The following NCOR2 variants were observed in gnomAD, a reference collection of about 807,000 sequenced individuals.
NCOR2 encodes CTG repeat protein 26.
A neutral mutation model predicts 262.9 loss-of-function variants in NCOR2; 81 were observed. The ratio of observed to expected loss-of-function variants is 0.31; its 90% CI spans 0.26 to 0.37. The LOEUF (loss-of-function observed/expected upper bound fraction) is 0.37. Ranked by LOEUF, NCOR2 falls within the 10% of genes least tolerant of loss-of-function variation. The pLI, the probability that NCOR2 is intolerant of heterozygous loss-of-function variation, is 1.00. For missense variants in NCOR2, 3,385 were observed against 3,621.4 expected (o/e 0.93, Z 1.68); for synonymous variants, 1,659 against 1,559.3 (o/e 1.06, Z -1.51).
chr12:124,344,493 T>G, intron 32 of NCOR2, 104 bp downstream of exon 34: 1 of 1,072,188 alleles, frequency 9.3e-7, no homozygotes, highest in Non-Finnish European at 1.3e-6. Flanking sequence ...GGAAAGCGGG[T>G]GGCGAGGATA....
At chr12:124,358,133 G>A (rs531236208) in intron 22 of NCOR2, among the ~76,000 whole-genome samples, 59 of 151,540 alleles carry the variant, frequency 3.9e-4, no homozygotes, top group African/African-American at 1.4e-3. Context: ...GCATGGATGT[G>A]TGTGTGTGCA....
At chr12:124,390,835 G>C (rs1265568255) in intron 16 of NCOR2, among the ~76,000 whole-genome samples, 1 of 152,266 alleles carries the variant, frequency 6.6e-6, no homozygotes, top group Non-Finnish European at 1.5e-5. Context: ...AAGGAGTTTC[G>C]TTCTGAAGAG....
At chr12:124,439,294 CAG>C (rs147761367) in intron 7 of NCOR2, among the ~76,000 whole-genome samples, 30 of 8,370 alleles carry the variant, frequency 3.6e-3, no homozygotes, top group Admixed American at 2.1e-3. Context: ...GAGAGAGACC[CAG>C]AGAGAGAGAG....
At position 124,556,198 on chromosome 12, in the gene NCOR2, G is replaced by A. The variant is rs528930023; in HGVS notation, c.-165+11110C>T. On this transcript the variant is annotated intron_variant, in intron 1 of 32. Transcript: ENST00000458234. ...GGCCACCAAGGGAGGGACAGAGAGGGAATGGCCACAGGCTCAGTGACCTGG... is the reference window on the plus strand; with the variant it reads ...GGCCACCAAGGGAGGGACAGAGAGGAAATGGCCACAGGCTCAGTGACCTGG... 6 of 152,582 alleles carry A rather than the reference G, an allele frequency of 3.9e-5. No individual in the cohort carries two copies. In the South Asian group the frequency reaches 8.3e-4, roughly 21 times the overall value. 9.5% of individuals were successfully genotyped at this position (152,582 alleles called of 1,614,324 possible).
chr12:124,363,759 C>A, exon 21 of NCOR2: 1 of 1,381,650 alleles, frequency 7.2e-7, no homozygotes, highest in Non-Finnish European at 9.5e-7. Flanking sequence ...GCCCGGGGGT[C>A]GCCAGTCGGG....
chr12:124,422,387 A>G, intron 12 of NCOR2, 114 bp downstream of exon 14: 1 of 1,252,908 alleles, frequency 8.0e-7, no homozygotes, highest in Non-Finnish European at 1.1e-6. Context: ...AGCTGGAGCA[A>G]GGGGCCAGGC....
rs1440488674 is a variant in NCOR2, at chr12:124,482,366, C to T, written c.411+1230G>A. ...CATCCCAGCCCCAGGACGGCACCCC[C>T]ACCTCCTGCCAGCCCAAGCCCACCC... On this transcript the variant is annotated intron_variant, in intron 3 of 46. Transcript: ENST00000405201. The surrounding 1 kb of genome is among the most constrained non-coding windows in gnomAD (Gnocchi z 6.3). Among the ~76,000 whole-genome samples, 2 of 152,116 alleles carry T rather than the reference C, an allele frequency of 1.3e-5. No homozygotes were observed. The highest frequency in any genetic ancestry group is 4.8e-5 in the African/African-American group (2 of 41,416).
intron 1 of NCOR2, among the ~76,000 whole-genome samples, chr12:124,510,495 C>G (rs548471421): frequency 6.6e-6 from 1 of 152,366 alleles, no homozygotes; most frequent in Admixed American, 6.5e-5. Flanking sequence ...CATCCCCATT[C>G]TACAGCTGGA....
chr12:124,372,799 C>T (rs1264835421), intron 19 of NCOR2, among the ~76,000 whole-genome samples, 189 bp from the exon 22 acceptor site: 1 of 152,158 alleles, frequency 6.6e-6, no homozygotes, highest in African/African-American at 2.4e-5. Context: ...AGGCCCCTAC[C>T]CACAGCTGCT....
At chr12:124,535,115 G>GGGGA (rs2051057852) in intron 1 of NCOR2, among the ~76,000 whole-genome samples, 1 of 152,206 alleles carries the variant, frequency 6.6e-6, no homozygotes, top group African/African-American at 2.4e-5. Flanking sequence ...TGCTAGGCAT[G>GGGGA]GGGACCACAG....
chr12:124,557,822 C>T (rs1018431774), intron 1 of NCOR2, among the ~76,000 whole-genome samples: 2 of 152,172 alleles, frequency 1.3e-5, no homozygotes, highest in African/African-American at 4.8e-5. Flanking sequence ...CCAGGAGCCA[C>T]CGCCACACAG....
At position 124,486,716 on chromosome 12, in the gene NCOR2, G is replaced by A. The variant is rs2047784177; in HGVS notation, c.106-148C>T. 5 of 1,051,706 alleles carry A rather than the reference G, an allele frequency of 4.8e-6. No individual in the cohort carries two copies. In the South Asian group the frequency reaches 6.9e-5, roughly 15 times the overall value. 65.1% of individuals were successfully genotyped at this position (1,051,706 alleles called of 1,614,324 possible). On this transcript the variant is annotated intron_variant, in intron 1 of 46. Coordinates refer to ENST00000405201, the Ensembl canonical transcript of NCOR2. ...GCCCAAGTCCTGCAGGGAACCTCAG[G>A]GACCGTCTGGCCAGAGGCTACCCTT... is the stretch of plus-strand genomic sequence containing the variant.
At chr12:124,346,536 G>C (rs779456325) in intron 31 of NCOR2, 28 bp downstream of exon 33, 1 of 1,490,888 alleles carries the variant, frequency 6.7e-7, no homozygotes, top group South Asian at 1.4e-5. Flanking sequence ...CCTAGAACTG[G>C]GCCCGTGTGC....
chr12:124,456,533 T>C (rs927538498), intron 6 of NCOR2, among the ~76,000 whole-genome samples: 3 of 152,182 alleles, frequency 2.0e-5, no homozygotes, highest in African/African-American at 7.2e-5. Context: ...ATCATCATCA[T>C]AGCTAATGCC....
chr12:124,565,571 G>C (rs565467118), intron 1 of NCOR2, among the ~76,000 whole-genome samples: 2 of 125,066 alleles, frequency 1.6e-5, no homozygotes, highest in East Asian at 4.9e-4. Flanking sequence ...CCCAGCCAAA[G>C]GTAAGGTGGC....
At chr12:124,496,087 C>T (rs570977299), upstream of NCOR2, among the ~76,000 whole-genome samples, 3 of 152,222 alleles carry the variant, frequency 2.0e-5, no homozygotes, top group East Asian at 5.8e-4. The surrounding 1 kb of genome is among the most constrained non-coding windows in gnomAD (Gnocchi z 4.4). Context: ...AGGATCTACT[C>T]GTGGCCACGC....
intron 15 of NCOR2, among the ~76,000 whole-genome samples, chr12:124,399,107 G>C (rs573954888): frequency 1.3e-5 from 2 of 152,062 alleles, no homozygotes; most frequent in African/African-American, 4.8e-5. Flanking sequence ...GAGGAGTGGC[G>C]GAAGGTTCCA....
intron 3 of NCOR2, among the ~76,000 whole-genome samples, chr12:124,474,358 T>A (rs2046986334): frequency 6.6e-6 from 1 of 152,240 alleles, no homozygotes; most frequent in Non-Finnish European, 1.5e-5. Context: ...CTTCTTTTTA[T>A]TTGCCCGTTA....
At chr12:124,508,565 C>T (rs2049185879) in intron 1 of NCOR2, among the ~76,000 whole-genome samples, 1 of 152,142 alleles carries the variant, frequency 6.6e-6, no homozygotes, top group Non-Finnish European at 1.5e-5. Context: ...AGGGGGTGAC[C>T]GCAGCTCAGC....
Sources: allele counts gnomAD v4.1 joint callset (sites outside exome capture counted in the v4.1 genomes callset), GRCh38; gene constraint gnomAD v4.1.1; non-coding constraint Gnocchi (gnomAD v3.1); transcripts MANE v1.5; gene names NCBI Gene and HGNC (gene_info 2026-07-23, HGNC 2026-07-21).